The following CAMTA1 variants were observed in gnomAD, a reference collection of about 807,000 sequenced individuals.
The protein encoded by CAMTA1 is calmodulin-binding transcription activator 1.
CAMTA1 carries 27 observed loss-of-function variants against 170.9 expected under a neutral mutation model. The ratio of observed to expected loss-of-function variants is 0.16; its 90% confidence interval spans 0.12 to 0.22. The LOEUF (loss-of-function observed/expected upper bound fraction) is 0.22. CAMTA1 is among the 10% of genes least tolerant of loss of function. The pLI, the probability that CAMTA1 is intolerant of heterozygous loss-of-function variation, is 1.00. For synonymous variants in CAMTA1, 833 were observed against 891.5 expected, an observed-to-expected ratio of 0.93 and a Z score of 1.17; for missense variants, 1,619 against 2,217.2, an observed-to-expected ratio of 0.73 and a Z score of 5.42.
intron 6 of CAMTA1, among the ~76,000 whole-genome samples, chr1:7,505,372 G>T (rs955863060): frequency 2.0e-5 from 3 of 152,166 alleles, no homozygotes; most frequent in Admixed American, 6.5e-5. Context: ...GGGTGTGCTG[G>T]GACGTGGGCG....
At chr1:7,290,573 AC>A (rs370207234) in intron 5 of CAMTA1, among the ~76,000 whole-genome samples, 60 of 148,540 alleles carry the variant, frequency 4.0e-4, no homozygotes, top group East Asian at 2.6e-3. Context: ...TGTTGCAACC[AC>A]CCCCCCCATG....
chr1:7,510,013 C>CA (rs111430608), intron 6 of CAMTA1, among the ~76,000 whole-genome samples: 8,926 of 136,284 alleles, frequency 0.065, 1,106 homozygotes, highest in African/African-American at 0.22. Flanking sequence ...AAACAAACAA[C>CA]AAAAAAAAAA....
intron 5 of CAMTA1, among the ~76,000 whole-genome samples, chr1:7,288,172 A>G (rs1261813316): frequency 6.6e-6 from 1 of 152,178 alleles, no homozygotes; most frequent in Non-Finnish European, 1.5e-5. Flanking sequence ...ATTCAGGAAT[A>G]AGACTGTGTG....
intron 3 of CAMTA1, among the ~76,000 whole-genome samples, chr1:6,942,767 T>C (rs1016565485): frequency 6.6e-6 from 1 of 152,238 alleles, no homozygotes; most frequent in Non-Finnish European, 1.5e-5. Context: ...AGGTCTGCCC[T>C]GAGAGGCCTG....
At chr1:7,587,799 T>A (rs927918348) in intron 6 of CAMTA1, among the ~76,000 whole-genome samples, 3 of 152,078 alleles carry the variant, frequency 2.0e-5, no homozygotes, top group African/African-American at 4.8e-5. Flanking sequence ...GGCAGGAACC[T>A]GGAGGCACCC....
chr1:7,710,812 G>A (rs1224005822), intron 11 of CAMTA1, among the ~76,000 whole-genome samples: 1 of 151,960 alleles, frequency 6.6e-6, no homozygotes, highest in Non-Finnish European at 1.5e-5. Flanking sequence ...CTGAGCTACA[G>A]GCTTATCGTC....
chr1:7,103,425 C>T (rs1269044254), intron 4 of CAMTA1, among the ~76,000 whole-genome samples: 2 of 32,542 alleles, frequency 6.1e-5, no homozygotes, highest in Non-Finnish European at 1.2e-4. Flanking sequence ...AGCACACACA[C>T]CTACACACAC....
intron 1 of CAMTA1, among the ~76,000 whole-genome samples, chr1:6,802,869 A>T (rs1035879796): frequency 6.6e-6 from 1 of 152,014 alleles, no homozygotes; most frequent in Non-Finnish European, 1.5e-5. Context: ...CAAGCTGAGG[A>T]CTTAGCTGGA....
rs940755671 is a variant in CAMTA1 at position 7,272,501 on chromosome 1, A to G, written c.438+22875A>G. Among the ~76,000 whole-genome samples the G allele has an allele frequency of 2.6e-5, 4 of 152,204 alleles. No homozygotes were observed. In the East Asian group the frequency reaches 5.8e-4, roughly 22 times the overall value. ...AATTCTCAATTTCAAAACTTACTGT[A>G]AAGCTATGGTAATCAAGTCAGTGAG... On this transcript the variant is annotated intron_variant, in intron 5 of 22. Coordinates refer to ENST00000303635, the MANE Select transcript of CAMTA1 (RefSeq NM_015215.4).
chr1:7,548,236 G>A (rs1268990711), intron 6 of CAMTA1, among the ~76,000 whole-genome samples: 1 of 152,220 alleles, frequency 6.6e-6, no homozygotes, highest in Non-Finnish European at 1.5e-5. Flanking sequence ...TCGACCCTCT[G>A]TGTTGGGCAC....
chr1:7,726,527 G>T (rs1365294185), intron 11 of CAMTA1, among the ~76,000 whole-genome samples: 1 of 152,206 alleles, frequency 6.6e-6, no homozygotes, highest in African/African-American at 2.4e-5. Context: ...GCATGTATGT[G>T]TAGAAATGTT....
At position 7,208,821 on chromosome 1, in the gene CAMTA1, G is replaced by A. The variant is rs574796735; in HGVS notation, c.303-40670G>A. Among the ~76,000 whole-genome samples the A allele has an allele frequency of 1.7e-4, 26 of 152,288 alleles. No individual in the cohort carries two copies. The South Asian group carries it at 4.8e-3, about 28-fold the overall frequency. On this transcript the variant is annotated intron_variant, in intron 4 of 22. Transcript: ENST00000303635. Reference sequence around the variant, plus strand: ...CTGATGATGTCGAAGGGACCAGCTTGATGATATGTGTTGTTTCACATGTTA... The same window carrying A: ...CTGATGATGTCGAAGGGACCAGCTTAATGATATGTGTTGTTTCACATGTTA...
intron 3 of CAMTA1, among the ~76,000 whole-genome samples, chr1:6,883,822 A>G (rs937740395): frequency 2.6e-5 from 4 of 152,174 alleles, no homozygotes; most frequent in African/African-American, 9.7e-5. Flanking sequence ...TCTAGTAACC[A>G]TATTTTTAAT....
intron 3 of CAMTA1, among the ~76,000 whole-genome samples, chr1:7,015,202 G>A (rs1356157792): frequency 6.6e-6 from 1 of 152,262 alleles, no homozygotes; most frequent in East Asian, 1.9e-4. Context: ...TCCCTCCATG[G>A]TGACTGTGTT....
chr1:7,353,239 C>T (rs2084822180), intron 5 of CAMTA1, among the ~76,000 whole-genome samples: 1 of 152,106 alleles, frequency 6.6e-6, no homozygotes, highest in African/African-American at 2.4e-5. Context: ...CAGCATAGTG[C>T]CTGGCCCATC....
intron 5 of CAMTA1, among the ~76,000 whole-genome samples, chr1:7,339,005 G>A (rs779923822): frequency 6.6e-6 from 1 of 152,084 alleles, no homozygotes; most frequent in Admixed American, 6.6e-5. Flanking sequence ...ACAGGGAGGC[G>A]CTACACACTT....
At chr1:7,303,317 G>A (rs1675074056) in intron 5 of CAMTA1, among the ~76,000 whole-genome samples, 1 of 152,074 alleles carries the variant, frequency 6.6e-6, no homozygotes. Context: ...GAAATATCTT[G>A]TCTTTATATT....
intron 6 of CAMTA1, among the ~76,000 whole-genome samples, chr1:7,568,131 A>G (rs1436126941): frequency 6.6e-6 from 1 of 150,960 alleles, no homozygotes; most frequent in Non-Finnish European, 1.5e-5. Context: ...TATCATCATC[A>G]TGATCACTAT....
intron 3 of CAMTA1, among the ~76,000 whole-genome samples, chr1:7,013,993 G>A (rs3810981): frequency 0.052 from 7,954 of 152,328 alleles, 210 homozygotes; most frequent in African/African-American, 0.079. Context: ...CTTGGAACAT[G>A]GAAGCCCAGC....
Sources: allele counts gnomAD v4.1 joint callset (sites outside exome capture counted in the v4.1 genomes callset), GRCh38; gene constraint gnomAD v4.1.1; transcripts MANE v1.5; gene names NCBI Gene and HGNC (gene_info 2026-07-23, HGNC 2026-07-21).